CRYBG1: variants seen among roughly 807,000 people sequenced by gnomAD.
The protein encoded by CRYBG1 is crystallin beta-gamma domain containing 1, also known as beta/gamma crystallin domain-containing protein 1.
In CRYBG1, 139 loss-of-function variants were observed where a neutral mutation model predicts 189.2. That is an observed-to-expected ratio of 0.73 (90% CI 0.64 to 0.85). The LOEUF is 0.85. Among genes scored for constraint, CRYBG1 ranks in the 40% least tolerant of loss-of-function variants. The pLI is 0.00. For synonymous variants in CRYBG1, 1,023 were observed against 1,017.1 expected, an observed-to-expected ratio of 1.01 and a Z score of -0.11; for missense variants, 2,611 against 2,675.8, an observed-to-expected ratio of 0.98 and a Z score of 0.53.
intron 1 of CRYBG1, among the ~76,000 whole-genome samples, chr6:106,384,891 C>CTCAA (rs1562292482): frequency 1.2e-5 from 1 of 84,390 alleles, no homozygotes; most frequent in Non-Finnish European, 2.8e-5. Flanking sequence ...GTTTGGGGTG[C>CTCAA]AGTCTCTTTC....
chr6:106,376,191 A>G (rs1424560697), intron 1 of CRYBG1, among the ~76,000 whole-genome samples: 5 of 152,212 alleles, frequency 3.3e-5, no homozygotes, highest in African/African-American at 4.8e-5. Flanking sequence ...AGTAAAGATG[A>G]AATTATAGAG....
At chr6:106,526,772 C>G (rs1403257307) in intron 6 of CRYBG1, among the ~76,000 whole-genome samples, 1 of 151,776 alleles carries the variant, frequency 6.6e-6, no homozygotes, top group Non-Finnish European at 1.5e-5. Context: ...GAAACTCAGT[C>G]TCTACTAAAA....
chr6:106,383,655 C>G (rs1770329307), intron 1 of CRYBG1, among the ~76,000 whole-genome samples: 2 of 152,196 alleles, frequency 1.3e-5, no homozygotes, highest in African/African-American at 2.4e-5. Context: ...CTGGTATGAA[C>G]AGATCGCTAA....
At chr6:106,468,321 G>A (rs1177207613) in intron 2 of CRYBG1, among the ~76,000 whole-genome samples, 1 of 152,276 alleles carries the variant, frequency 6.6e-6, no homozygotes, top group African/African-American at 2.4e-5. Flanking sequence ...GGCTGTCAAA[G>A]GGGTAGCACA....
At chr6:106,550,827 G>A (rs1033885034) in intron 13 of CRYBG1, among the ~76,000 whole-genome samples, 1 of 151,926 alleles carries the variant, frequency 6.6e-6, no homozygotes, top group Non-Finnish European at 1.5e-5. Flanking sequence ...CTTCTTGAAA[G>A]TCCTGTTTGT....
intron 2 of CRYBG1, among the ~76,000 whole-genome samples, chr6:106,463,191 A>G (rs1772047843): frequency 1.3e-5 from 2 of 151,198 alleles, no homozygotes; most frequent in Non-Finnish European, 3.0e-5. Flanking sequence ...TTTTAGTATT[A>G]AATCTTCTGT....
chr6:106,494,497 C>G (rs1343109932), intron 2 of CRYBG1, among the ~76,000 whole-genome samples: 1 of 152,104 alleles, frequency 6.6e-6, no homozygotes. Context: ...GTTTCTAGTA[C>G]TGGTGGTCAT....
intron 1 of CRYBG1, among the ~76,000 whole-genome samples, chr6:106,385,773 C>G (rs1319677913): frequency 6.6e-6 from 1 of 152,154 alleles, no homozygotes; most frequent in Non-Finnish European, 1.5e-5. Flanking sequence ...CAAAGAGGAA[C>G]ACATGCCACC....
Position 106,512,800 on chromosome 6 carries a change from G to T in CRYBG1, c.1683G>T (p.Glu561Asp). ...AGGGCACTGCGGCCGAGAGCGGGGAGGAGGCGGCGCGGGCCATCCCCCGCG... is the reference window on the plus strand; with the variant it reads ...AGGGCACTGCGGCCGAGAGCGGGGATGAGGCGGCGCGGGCCATCCCCCGCG... ...VTKGTAAESG[E>D]EAARAIPREL... The change falls in exon 3 of 22, where the codon GAG becomes GAT. Residue 561 changes from glutamate to aspartate, a missense_variant. Around this residue, in one of 3 missense-constraint regions of CRYBG1, gnomAD observed 985 missense variants for 924.4 expected, o/e 1.07. Transcript: ENST00000633556. 1 of 1,577,186 alleles carries T rather than the reference G, an allele frequency of 6.3e-7. No individual in the cohort carries two copies.
intron 1 of CRYBG1, among the ~76,000 whole-genome samples, chr6:106,449,197 G>A (rs118043967): frequency 0.032 from 4,874 of 152,260 alleles, 96 homozygotes; most frequent in Non-Finnish European, 0.05. Context: ...GAAGAGATAG[G>A]TCTTTTTTGG....
chr6:106,442,265 A>G (rs892652160), intron 1 of CRYBG1, among the ~76,000 whole-genome samples: 1 of 152,356 alleles, frequency 6.6e-6, no homozygotes, highest in African/African-American at 2.4e-5. Context: ...TGTAAGTGCC[A>G]TCAAAGCTCA....
chr6:106,566,464 CTTTTTTTTT>C (rs34773477), intron 21 of CRYBG1, among the ~76,000 whole-genome samples: 2 of 71,672 alleles, frequency 2.8e-5, no homozygotes, highest in South Asian at 6.7e-4. Context: ...CAACAACAGT[CTTTTTTTTT>C]TTTTTTTTTT....
At chr6:106,462,341 T>C (rs949499502) in intron 2 of CRYBG1, among the ~76,000 whole-genome samples, 8 of 152,142 alleles carry the variant, frequency 5.3e-5, no homozygotes, top group Non-Finnish European at 8.8e-5. Context: ...CAGCTAATTT[T>C]TTGTATTTTT....
At chr6:106,427,124 CTT>C (rs1000652074) in intron 1 of CRYBG1, among the ~76,000 whole-genome samples, 1 of 152,044 alleles carries the variant, frequency 6.6e-6, no homozygotes, top group African/African-American at 2.4e-5. Flanking sequence ...CTTGGAGCTC[CTT>C]TCTCTCTGCA....
At chr6:106,407,215 A>G (rs1013777106) in intron 1 of CRYBG1, among the ~76,000 whole-genome samples, 4 of 152,218 alleles carry the variant, frequency 2.6e-5, no homozygotes, top group Non-Finnish European at 1.5e-5. Context: ...GGAAAGCAAA[A>G]AAAAAGCAGG....
chr6:106,465,205 G>A (rs927361019), intron 2 of CRYBG1, among the ~76,000 whole-genome samples: 1 of 152,164 alleles, frequency 6.6e-6, no homozygotes, highest in Non-Finnish European at 1.5e-5. Context: ...TGCCTCTCCA[G>A]GGCGGGGAAC....
intron 17 of CRYBG1, among the ~76,000 whole-genome samples, chr6:106,556,725 G>T (rs140887696): frequency 7.9e-5 from 12 of 152,282 alleles, no homozygotes; most frequent in Admixed American, 4.6e-4. Context: ...TTAAACACAC[G>T]TAATTGCTCA....
intron 8 of CRYBG1, 28 bp downstream of exon 8, chr6:106,530,343 T>A: frequency 6.3e-7 from 1 of 1,590,560 alleles, no homozygotes; most frequent in African/African-American, 1.4e-5. Context: ...AAACAAATTT[T>A]AATGAAGTTT....
intron 1 of CRYBG1, among the ~76,000 whole-genome samples, chr6:106,385,770 G>A (rs1770375577): frequency 6.6e-6 from 1 of 152,124 alleles, no homozygotes; most frequent in South Asian, 2.1e-4. Context: ...GCCCAAAGAG[G>A]AACACATGCC....
Sources: gnomAD v4.1 joint callset for allele counts (sites outside exome capture counted in the v4.1 genomes callset) on GRCh38, gnomAD v4.1.1 for gene constraint, gnomAD v4.1.1 regional missense constraint, MANE v1.5 for transcripts, NCBI Gene and HGNC (gene_info 2026-07-23, HGNC 2026-07-21) for gene names.